Variants in AP1M1 observed in about 807,000 individuals in gnomAD.
The protein encoded by AP1M1 is adaptor related protein complex 1 subunit mu 1.
In AP1M1, 18 loss-of-function variants were observed where a neutral mutation model predicts 57.1. The observed-to-expected ratio is 0.32, with a 90% CI of 0.22 to 0.47. The LOEUF (loss-of-function observed/expected upper bound fraction) is 0.47, where lower values mean the gene tolerates loss of function less well. AP1M1 is among the 20% of genes least tolerant of loss of function. The pLI is 1.00. For synonymous variants in AP1M1, 241 were observed against 237.9 expected, an observed-to-expected ratio of 1.01 and a Z score of -0.12; for missense variants, 362 against 593.5, an observed-to-expected ratio of 0.61 and a Z score of 4.05.
At chr19:16,230,083 G>A (rs548388033) in intron 9 of AP1M1, among the ~76,000 whole-genome samples, 25 of 152,318 alleles carry the variant, frequency 1.6e-4, no homozygotes, top group African/African-American at 2.6e-4. Flanking sequence ...AGCTGTAGAC[G>A]GGGGAGGAAG....
At chr19:16,233,177 G>A (rs1287993104) in intron 9 of AP1M1, among the ~76,000 whole-genome samples, 1 of 152,224 alleles carries the variant, frequency 6.6e-6, no homozygotes, top group East Asian at 1.9e-4. Context: ...AGTGCATTAG[G>A]GGAGCTGGGC....
In AP1M1 at chr19:16,203,342, TG is replaced by T; in HGVS notation, c.43-115del. The T allele has an allele frequency of 1.0e-6, 1 of 999,012 alleles. No individual in the cohort carries two copies. Among genetic ancestry groups the T allele is most frequent in the Non-Finnish European group, 1.5e-6 (1 of 659,588 alleles). The allele number at this position is 999,012 out of a possible 1,614,324, so 61.9% of individuals were successfully genotyped here. A position where few individuals can be genotyped will look rare whatever the true frequency, so the allele number is the denominator to read the frequency against. ...TCAAGTCCTGCTCTTTTGCGGATAG[TG>T]GCCATGACCGGAGTCCCCAGAGCGA... is the stretch of plus-strand genomic sequence containing the variant. On this transcript the variant is annotated intron_variant, in intron 1 of 11. Coordinates refer to ENST00000291439, the MANE Select transcript of AP1M1 (RefSeq NM_032493.4). This position sits in a 1 kb window ranked among gnomAD's most constrained non-coding sequence, Gnocchi z 4.6.
At chr19:16,201,837 C>T (rs998681405) in intron 1 of AP1M1, among the ~76,000 whole-genome samples, 1 of 152,144 alleles carries the variant, frequency 6.6e-6, no homozygotes, top group Admixed American at 6.5e-5. Flanking sequence ...GCAGAGTGAA[C>T]CAGGGCAGCG....
At chr19:16,205,244 G>C (rs1404926369) in intron 2 of AP1M1, among the ~76,000 whole-genome samples, 1 of 152,136 alleles carries the variant, frequency 6.6e-6, no homozygotes, top group African/African-American at 2.4e-5. Context: ...TCAGTTTCTG[G>C]TTGGGCCCCC....
chr19:16,210,673 C>T (rs1280767342), intron 5 of AP1M1, among the ~76,000 whole-genome samples: 1 of 152,184 alleles, frequency 6.6e-6, no homozygotes, highest in Non-Finnish European at 1.5e-5. Context: ...GATTCTCCTG[C>T]CTCAGCCTCC....
intron 1 of AP1M1, among the ~76,000 whole-genome samples, chr19:16,198,955 C>T (rs2091436375): frequency 6.6e-6 from 1 of 152,050 alleles, no homozygotes; most frequent in African/African-American, 2.4e-5. Flanking sequence ...TTACAGGCAC[C>T]TGCCACTACG....
At chr19:16,215,194 C>CAGGGGCGGGGGGGGGGGGGGGGGG (rs1568350995) in intron 5 of AP1M1, among the ~76,000 whole-genome samples, 1 of 1,922 alleles carries the variant, frequency 5.2e-4, no homozygotes, top group Non-Finnish European at 1.4e-3. Context: ...GAGGCTAAGG[C>CAGGGGCGGGGGGGGGGGGGGGGGG]GGGGGCGGGG....
At chr19:16,225,685 C>G (rs184507565) in intron 5 of AP1M1, among the ~76,000 whole-genome samples, 2 of 152,336 alleles carry the variant, frequency 1.3e-5, no homozygotes, top group Admixed American at 6.5e-5. Context: ...GGAGCAATGC[C>G]TGGCGCAGTG....
At chr19:16,218,458 C>G (rs544793997) in intron 5 of AP1M1, among the ~76,000 whole-genome samples, 15 of 152,356 alleles carry the variant, frequency 9.8e-5, no homozygotes, top group Non-Finnish European at 2.1e-4. Flanking sequence ...CAATTCACCC[C>G]CTCCACAGGA....
chr19:16,218,367 G>A (rs2091527842), intron 5 of AP1M1, among the ~76,000 whole-genome samples: 1 of 152,156 alleles, frequency 6.6e-6, no homozygotes, highest in African/African-American at 2.4e-5. Context: ...CCCTGCCAAC[G>A]CAGCTGGCCG....
At chr19:16,216,174 C>T (rs1255732708) in intron 5 of AP1M1, among the ~76,000 whole-genome samples, 1 of 152,122 alleles carries the variant, frequency 6.6e-6, no homozygotes, top group East Asian at 1.9e-4. Flanking sequence ...TCATTTCAGC[C>T]ATCTCAGCCT....
intron 5 of AP1M1, among the ~76,000 whole-genome samples, chr19:16,224,194 A>G (rs1327190129): frequency 6.6e-6 from 1 of 152,162 alleles, no homozygotes; most frequent in Non-Finnish European, 1.5e-5. Context: ...CGCTAACCAC[A>G]TTCCCCTCTC....
chr19:16,206,481 C>G lies in AP1M1; in HGVS notation c.267+73C>G. On this transcript the variant is annotated intron_variant, in intron 3 of 11. Transcript: ENST00000291439. This position sits in a 1 kb window ranked among gnomAD's most constrained non-coding sequence, Gnocchi z 4.3. ...GCTCTGCTTGTGGACCTCCCCATAC[C>G]TGGCCACCCTACAGAGAGCTGTGGC... 1 of 1,499,934 alleles carries G rather than the reference C, an allele frequency of 6.7e-7. No individual in the cohort carries two copies. The highest frequency in any genetic ancestry group is 9.3e-7 in the Non-Finnish European group (1 of 1,078,444). The allele number at this position is 1,499,934 out of a possible 1,614,324, so 92.9% of individuals were successfully genotyped here.
chr19:16,211,712 C>T (rs542164328), intron 5 of AP1M1, among the ~76,000 whole-genome samples: 58 of 151,656 alleles, frequency 3.8e-4, no homozygotes, highest in Admixed American at 3.1e-3. Context: ...ATTGTGCCAC[C>T]GCACTCCAGC....
At chr19:16,230,348 T>C (rs1474971504) in intron 9 of AP1M1, among the ~76,000 whole-genome samples, 1 of 152,210 alleles carries the variant, frequency 6.6e-6, no homozygotes, top group Non-Finnish European at 1.5e-5. Flanking sequence ...AACTAAGGTA[T>C]GTACATTCTC....
Position 16,240,685 on chromosome 19 carries a change from G to A in AP1M1, c.*6250G>A, listed in dbSNP as rs1402030770. On this transcript the variant is annotated 3_prime_UTR_variant, in exon 12 of 12. Transcript: ENST00000291439. ...AGATGGTCTCGAACTCCTGACCTCA[G>A]GTGATCTGCCTGCTTCGGCCTCCCA... 6.6e-6 allele frequency: 1 copy of A among 152,016 alleles called. No individual in the cohort carries two copies. The highest frequency in any genetic ancestry group is 1.5e-5 in the Non-Finnish European group (1 of 68,026). The allele number at this position is 152,016 out of a possible 1,614,324, so 9.4% of individuals were successfully genotyped here.
intron 1 of AP1M1, among the ~76,000 whole-genome samples, chr19:16,198,867 G>A (rs2091435989): frequency 6.6e-6 from 1 of 152,072 alleles, no homozygotes; most frequent in Admixed American, 6.5e-5. Context: ...GAGTGTAGTG[G>A]TGCAATCTCC....
rs1174319485 is a variant in AP1M1, at chr19:16,228,522, G to T, written c.889-248G>T. Among the ~76,000 whole-genome samples the T allele has an allele frequency of 6.6e-6, 1 of 152,194 alleles. No individual in the cohort carries two copies. The highest frequency in any genetic ancestry group is 1.5e-5 in the Non-Finnish European group (1 of 68,018). On this transcript the variant is annotated intron_variant, in intron 8 of 11. Coordinates refer to ENST00000291439, the MANE Select transcript of AP1M1 (RefSeq NM_032493.4). This position sits in a 1 kb window ranked among gnomAD's most constrained non-coding sequence, Gnocchi z 5.0. ...GGGACATAGACATTGTCCTAGGAGGGCAGGGCAGAGGGAGGGATGAGGAGC... is the reference window on the plus strand; with the variant it reads ...GGGACATAGACATTGTCCTAGGAGGTCAGGGCAGAGGGAGGGATGAGGAGC...
chr19:16,226,339 G>A (rs2091571056), intron 5 of AP1M1, 82 bp from the exon 6 acceptor site: 1 of 1,472,866 alleles, frequency 6.8e-7, no homozygotes, highest in East Asian at 2.5e-5. Flanking sequence ...AGAGTGGGGT[G>A]GCCAGAGGGT....
Sources: gnomAD v4.1 joint callset for allele counts (sites outside exome capture counted in the v4.1 genomes callset) on GRCh38, gnomAD v4.1.1 for gene constraint, Gnocchi (gnomAD v3.1) non-coding constraint, MANE v1.5 for transcripts, NCBI Gene and HGNC (gene_info 2026-07-23, HGNC 2026-07-21) for gene names.